EXD3: variants seen among roughly 807,000 people sequenced by gnomAD.
EXD3 encodes the protein exonuclease mut-7 homolog.
EXD3 carries 92 observed loss-of-function variants against 98.0 expected under a neutral mutation model. The observed-to-expected ratio is 0.94, with a 90% CI of 0.79 to 1.12. The LOEUF (loss-of-function observed/expected upper bound fraction) is 1.12, where lower values mean the gene tolerates loss of function less well. Ranked by LOEUF, EXD3 falls within the 50% of genes most tolerant of loss-of-function variation. The pLI is 0.00. For missense variants in EXD3, 1,222 were observed against 1,191.6 expected (o/e 1.03, Z -0.38); for synonymous variants, 569 against 526.0 (o/e 1.08, Z -1.12).
chr9:137,374,631 T>C lies in EXD3; in HGVS notation c.121-1032A>G. On this transcript the variant is annotated intron_variant, in intron 3 of 21. Coordinates refer to ENST00000340951, the MANE Select transcript of EXD3 (RefSeq NM_017820.5). ...ACGCACATGAGTGTGTGAGGAGACC[T>C]CAGCGCTGTCCAGGAGGGTGCCATG... is the stretch of plus-strand genomic sequence containing the variant. The C allele has an allele frequency of 5.1e-6, 5 of 985,466 alleles. No individual in the cohort carries two copies. The South Asian group carries it at 2.3e-4, about 46-fold the overall frequency. 61.0% of individuals were successfully genotyped at this position (985,466 alleles called of 1,614,324 possible). A position where few individuals can be genotyped will look rare whatever the true frequency, so the allele number is the denominator to read the frequency against.
rs1272941353 is a variant in EXD3, at chr9:137,394,167, A to G, written c.55+1136T>C. On this transcript the variant is annotated intron_variant, in intron 2 of 21. Transcript: ENST00000340951. Reference sequence around the variant, plus strand: ...TCCATTTCCCTAACCCTGGCCTCCCAGCCTCTGCTTCCCTAACCCCAGCCT... The same window carrying G: ...TCCATTTCCCTAACCCTGGCCTCCCGGCCTCTGCTTCCCTAACCCCAGCCT... 2.9e-5 allele frequency among the ~76,000 whole-genome samples: 3 copies of G among 102,604 alleles called. 1 individual carries two copies. The East Asian group carries it at 7.9e-4, about 27-fold the overall frequency. 67.3% of individuals were successfully genotyped at this position (102,604 alleles called of 152,430 possible).
Position 137,383,378 on chromosome 9 carries a change from C to T in EXD3, c.56-1G>A, listed in dbSNP as rs747000744. Reference sequence around the variant, plus strand: ...TGCAGGAGCAGGAGGGGGTCCCGGCCTGTGGAGATAAGATAACAGCCGTGG... The same window carrying T: ...TGCAGGAGCAGGAGGGGGTCCCGGCTTGTGGAGATAAGATAACAGCCGTGG... On this transcript the variant is annotated splice_acceptor_variant, in intron 2 of 21. Transcript: ENST00000340951. LOFTEE classifies it high-confidence loss of function. 1.3e-6 allele frequency: 2 copies of T among 1,545,634 alleles called. No homozygotes were observed. Among genetic ancestry groups the T allele is most frequent in the Non-Finnish European group, 1.7e-6 (2 of 1,143,640 alleles).
At chr9:137,380,902 C>A (rs1290693465) in intron 3 of EXD3, among the ~76,000 whole-genome samples, 13 of 148,500 alleles carry the variant, frequency 8.8e-5, no homozygotes, top group Middle Eastern at 7.0e-3. Context: ...GAGTTCAAGA[C>A]CAGCCTGGCC....
intron 2 of EXD3, among the ~76,000 whole-genome samples, chr9:137,384,751 C>A (rs1390503995): frequency 6.6e-6 from 1 of 152,214 alleles, no homozygotes; most frequent in Admixed American, 6.5e-5. Context: ...TTTCAAAAAT[C>A]ACTTACAACA....
chr9:137,356,337 C>G lies in EXD3; in HGVS notation c.688G>C (p.Glu230Gln), dbSNP rs1176780461. 6.2e-7 allele frequency: 1 copy of G among 1,604,466 alleles called. No individual in the cohort carries two copies. Among genetic ancestry groups the G allele is most frequent in the Non-Finnish European group, 8.5e-7 (1 of 1,175,880 alleles). Reference protein sequence around the residue: ...RYPEVTSLSLEKLSPKALSRQ... With the variant: ...RYPEVTSLSLQKLSPKALSRQ... ...CTCAGCGCCTTCGGACTCAGCTTCT[C>G]CAGGCTCAAGGAGGTCACCTCAGGG... The change falls in exon 8 of 22, where the codon GAG becomes CAG. Residue 230 changes from glutamate to glutamine, a missense_variant. Coordinates refer to ENST00000340951, the MANE Select transcript of EXD3 (RefSeq NM_017820.5).
chr9:137,404,992 G>A (rs1837647641), intron 1 of EXD3, among the ~76,000 whole-genome samples: 1 of 152,122 alleles, frequency 6.6e-6, no homozygotes, highest in Non-Finnish European at 1.5e-5. Flanking sequence ...CCTCCCAGGT[G>A]CTCGAGGGGA....
At chr9:137,396,117 G>A (rs866414436) in intron 1 of EXD3, among the ~76,000 whole-genome samples, 52 of 152,168 alleles carry the variant, frequency 3.4e-4, no homozygotes, top group Middle Eastern at 6.8e-3. Flanking sequence ...ACAGGCATGC[G>A]CCATCACGCC....
intron 3 of EXD3, among the ~76,000 whole-genome samples, chr9:137,376,413 C>T (rs937693484): frequency 6.6e-6 from 1 of 151,488 alleles, no homozygotes; most frequent in Non-Finnish European, 1.5e-5. Context: ...CAGACACTCC[C>T]TACAGGGCAA....
intron 6 of EXD3, among the ~76,000 whole-genome samples, chr9:137,367,170 A>T (rs887018226): frequency 7.9e-5 from 12 of 151,872 alleles, no homozygotes; most frequent in Non-Finnish European, 1.2e-4. Context: ...CCTCTGCCCC[A>T]CAGGTGAGGC....
At chr9:137,409,491 C>T (rs1246344382) in intron 1 of EXD3, among the ~76,000 whole-genome samples, 1 of 152,100 alleles carries the variant, frequency 6.6e-6, no homozygotes, top group Non-Finnish European at 1.5e-5. Flanking sequence ...CCAAAGCAGG[C>T]GGATTGCTTG....
chr9:137,419,168 A>G (rs77514251), intron 1 of EXD3, among the ~76,000 whole-genome samples: 33 of 152,346 alleles, frequency 2.2e-4, no homozygotes, highest in African/African-American at 7.2e-4. Flanking sequence ...GTATAAATGT[A>G]TTATTAACAT....
chr9:137,392,917 G>A, intron 2 of EXD3: 1 of 553,678 alleles, frequency 1.8e-6, no homozygotes, highest in Non-Finnish European at 3.3e-6. Flanking sequence ...TGTTCTGGCG[G>A]GGGGCCGTAT....
chr9:137,422,201 A>C (rs367626781), intron 1 of EXD3, among the ~76,000 whole-genome samples: 1 of 151,640 alleles, frequency 6.6e-6, no homozygotes, highest in Non-Finnish European at 1.5e-5. Flanking sequence ...GAGCCTTCCC[A>C]GCAAGAGGGG....
rs1207036166 is a variant in EXD3, at chr9:137,347,806, TATTTTA to T, written c.1998+259_1998+264del. Among the ~76,000 whole-genome samples, 2 of 152,212 alleles carry T rather than the reference TATTTTA, an allele frequency of 1.3e-5. No homozygotes were observed. The highest frequency in any genetic ancestry group is 1.5e-5 in the Non-Finnish European group (1 of 68,044). Reference sequence around the variant, plus strand: ...GCCCACCCAAATAAGATAGACTCTCTATTTTAAGTTCAACTGATTAATAGTGTCAAT... The same window carrying T: ...GCCCACCCAAATAAGATAGACTCTCTAGTTCAACTGATTAATAGTGTCAAT... On this transcript the variant is annotated intron_variant, in intron 17 of 21. Transcript: ENST00000340951. This position sits in a 1 kb window ranked among gnomAD's most constrained non-coding sequence, Gnocchi z 4.2.
intron 17 of EXD3, among the ~76,000 whole-genome samples, chr9:137,330,002 GCTACACAGGA>G (rs1436928867): frequency 9.0e-4 from 35 of 38,870 alleles, no homozygotes; most frequent in African/African-American, 1.5e-3. Flanking sequence ...CTACACAGGA[GCTACACAGGA>G]CTACACAGGA....
At position 137,349,233 on chromosome 9, in the gene EXD3, C is replaced by T; in HGVS notation, c.1707G>A (p.Glu569=). Residue 569 remains glutamate (E), a synonymous_variant, in exon 16 of 22, where the codon GAG becomes GAA. Transcript: ENST00000340951. The surrounding 1 kb of genome is among the most constrained non-coding windows in gnomAD (Gnocchi z 7.4). The part of the protein sequence containing the change: ...LLEVHQALCR[E]PARFHLSEDL... Reference sequence around the variant, plus strand: ...CCTCCGACAGGTGGAAGCGGGCGGGCTCTCTGCACAGGGCTTGGTGCACCT... The same window carrying T: ...CCTCCGACAGGTGGAAGCGGGCGGGTTCTCTGCACAGGGCTTGGTGCACCT... 6.3e-7 allele frequency: 1 copy of T among 1,575,642 alleles called. No homozygotes were observed. The highest frequency in any genetic ancestry group is 8.6e-7 in the Non-Finnish European group (1 of 1,167,282).
chr9:137,401,038 G>A (rs1837458235), intron 1 of EXD3, among the ~76,000 whole-genome samples: 1 of 152,092 alleles, frequency 6.6e-6, no homozygotes, highest in Non-Finnish European at 1.5e-5. Flanking sequence ...GGCACATGGT[G>A]CAGGCTGTCG....
intron 1 of EXD3, among the ~76,000 whole-genome samples, chr9:137,409,525 T>C (rs1426853379): frequency 6.6e-6 from 1 of 152,054 alleles, no homozygotes. Context: ...GAGACCAGCC[T>C]GGGTAACATA....
At chr9:137,366,719 T>C in intron 6 of EXD3, 87 bp from the exon 7 acceptor site, 1 of 1,478,532 alleles carries the variant, frequency 6.8e-7, no homozygotes, top group Non-Finnish European at 9.0e-7. Context: ...GCGGCCAAAG[T>C]GTCAGAACGA....
Sources: allele counts gnomAD v4.1 joint callset (sites outside exome capture counted in the v4.1 genomes callset), GRCh38; gene constraint gnomAD v4.1.1; non-coding constraint Gnocchi (gnomAD v3.1); transcripts MANE v1.5; gene names NCBI Gene and HGNC (gene_info 2026-07-23, HGNC 2026-07-21).